CARMIL1: variants seen among roughly 807,000 people sequenced by gnomAD.
CARMIL1 encodes the protein capping protein regulator and myosin 1 linker 1.
CARMIL1 carries 90 observed loss-of-function variants against 177.1 expected under a neutral mutation model. The ratio of observed to expected loss-of-function variants is 0.51; its 90% CI spans 0.43 to 0.61. CARMIL1 has a LOEUF of 0.61. Ranked by LOEUF, CARMIL1 falls within the 20% of genes least tolerant of loss-of-function variation. The probability of loss-of-function intolerance (pLI) is 0.00; values close to 1 mark genes in which losing one functional copy is unlikely to be tolerated. For missense variants in CARMIL1, 1,380 were observed against 1,667.0 expected, an observed-to-expected ratio of 0.83 and a Z score of 3.00; for synonymous variants, 577 against 606.2, an observed-to-expected ratio of 0.95 and a Z score of 0.71.
At chr6:25,313,549 C>T (rs989448776) in intron 2 of CARMIL1, among the ~76,000 whole-genome samples, 1 of 147,736 alleles carries the variant, frequency 6.8e-6, no homozygotes, top group African/African-American at 2.6e-5. Context: ...TGGAGGGACT[C>T]TGGGCAGCAT....
chr6:25,286,596 T>C (rs757572577), intron 2 of CARMIL1, among the ~76,000 whole-genome samples: 1 of 152,234 alleles, frequency 6.6e-6, no homozygotes, highest in Non-Finnish European at 1.5e-5. Flanking sequence ...GAAGAAATAT[T>C]GTTTCTGTCA....
intron 26 of CARMIL1, among the ~76,000 whole-genome samples, chr6:25,541,158 A>G (rs1394805680): frequency 1.3e-5 from 2 of 152,202 alleles, no homozygotes; most frequent in Admixed American, 1.3e-4. Flanking sequence ...GTAGAAAATG[A>G]CTTACTCTTT....
Position 25,435,591 on chromosome 6 carries a change from G to A in CARMIL1, c.358G>A (p.Gly120Ser). 1 of 1,576,038 alleles carries A rather than the reference G, an allele frequency of 6.3e-7. No individual in the cohort carries two copies. Residue 120 changes from glycine (G) to serine (S), a missense_variant, in exon 5 of 37, where the codon GGC (glycine) becomes AGC (serine). Coordinates refer to ENST00000329474, the MANE Select transcript of CARMIL1 (RefSeq NM_017640.6). Reference sequence around the variant, plus strand: ...CACCTGCCTGAGGAAGATATTTCCTGGCCTCTCTCCAGTGTGAGTTTCCCT... The same window carrying A: ...CACCTGCCTGAGGAAGATATTTCCTAGCCTCTCTCCAGTGTGAGTTTCCCT... ...IGTCLRKIFP[G>S]LSPVRIMKKV...
intron 24 of CARMIL1, among the ~76,000 whole-genome samples, chr6:25,535,348 A>G (rs1432800899): frequency 6.6e-6 from 1 of 152,178 alleles, no homozygotes; most frequent in Admixed American, 6.5e-5. Flanking sequence ...TAAGGAAGAA[A>G]AATAAGTGTA....
chr6:25,420,531 CTTTAT>C (rs1795760477), intron 3 of CARMIL1: 1 of 188,608 alleles, frequency 5.3e-6, no homozygotes, highest in African/African-American at 2.4e-5. Context: ...TTGATTTCCA[CTTTAT>C]TCAAGTCTAC....
chr6:25,388,157 G>A (rs1792367290), intron 2 of CARMIL1: 1 of 152,130 alleles, frequency 6.6e-6, no homozygotes, highest in Non-Finnish European at 1.5e-5. Flanking sequence ...TGATGTAGAA[G>A]CGTTTCTTGA....
chr6:25,609,940 G>A, intron 35 of CARMIL1, 110 bp from the exon 36 acceptor site: 1 of 1,279,434 alleles, frequency 7.8e-7, no homozygotes. Context: ...AAAATTCTAT[G>A]ATGCTTTATT....
intron 23 of CARMIL1, among the ~76,000 whole-genome samples, chr6:25,520,860 C>G (rs950085049): frequency 1.3e-5 from 2 of 152,176 alleles, no homozygotes; most frequent in African/African-American, 4.8e-5. Flanking sequence ...ATTTGACCCC[C>G]TTATTCTGCC....
At chr6:25,591,021 C>T (rs1814249811) in intron 31 of CARMIL1, among the ~76,000 whole-genome samples, 1 of 152,078 alleles carries the variant, frequency 6.6e-6, no homozygotes, top group African/African-American at 2.4e-5. Context: ...TTTTTACATT[C>T]TAATATATGC....
At chr6:25,365,116 CATT>C (rs1789638139) in intron 2 of CARMIL1, among the ~76,000 whole-genome samples, 1 of 152,138 alleles carries the variant, frequency 6.6e-6, no homozygotes. Context: ...GCTTGGATCA[CATT>C]ATTATTTTGG....
chr6:25,481,651 A>G (rs908394107), intron 11 of CARMIL1, among the ~76,000 whole-genome samples: 4 of 152,084 alleles, frequency 2.6e-5, no homozygotes, highest in African/African-American at 7.2e-5. Context: ...GGTGTTCCCA[A>G]TCTCCCACTC....
chr6:25,482,405 T>A (rs982049164), intron 12 of CARMIL1, 62 bp downstream of exon 12: 4 of 706,494 alleles, frequency 5.7e-6, no homozygotes, highest in Non-Finnish European at 9.5e-6. Flanking sequence ...CCTGCTACCT[T>A]AGTTAGAATT....
chr6:25,605,973 A>G (rs1815925426), intron 34 of CARMIL1, 88 bp from the exon 35 acceptor site: 3 of 827,178 alleles, frequency 3.6e-6, no homozygotes. Context: ...ACGATGGCAA[A>G]TGATTACAGC....
At chr6:25,304,541 G>GTGAACCTCA (rs1279442738) in intron 2 of CARMIL1, among the ~76,000 whole-genome samples, 1 of 152,156 alleles carries the variant, frequency 6.6e-6, no homozygotes. Flanking sequence ...GCAGTTCACA[G>GTGAACCTCA]TAGGGTTCAC....
At chr6:25,552,339 A>G (rs144507741) in intron 27 of CARMIL1, among the ~76,000 whole-genome samples, 1 of 152,296 alleles carries the variant, frequency 6.6e-6, no homozygotes, top group East Asian at 1.9e-4. Flanking sequence ...TCATATTTTG[A>G]TAGCTTTGAG....
chr6:25,462,343 G>T (rs1435523863), intron 8 of CARMIL1, among the ~76,000 whole-genome samples: 3 of 151,968 alleles, frequency 2.0e-5, no homozygotes, highest in African/African-American at 7.3e-5. Context: ...TTCTCAACTT[G>T]GTTGTCTTGA....
intron 25 of CARMIL1, 35 bp downstream of exon 25, chr6:25,538,018 A>G: frequency 6.4e-7 from 1 of 1,553,822 alleles, no homozygotes; most frequent in Non-Finnish European, 8.7e-7. Flanking sequence ...AGAGTCTGGT[A>G]TAATAAAAAC....
rs115060348 is a variant in CARMIL1, at chr6:25,398,155, G to A, written c.139-21959G>A. ...AACTATTTAAAAATTAATGAACAAG[G>A]TAATTTTATATTTTTCTGGTATGGG... On this transcript the variant is annotated intron_variant, in intron 2 of 36. Coordinates refer to ENST00000329474, the MANE Select transcript of CARMIL1 (RefSeq NM_017640.6). Among the ~76,000 whole-genome samples the A allele has an allele frequency of 3.4e-3, 510 of 152,112 alleles. 2 individuals carry two copies. Among genetic ancestry groups the A allele is most frequent in the African/African-American group, 0.011 (440 of 41,496 alleles).
chr6:25,515,757 C>T lies in CARMIL1; in HGVS notation c.1715C>T (p.Ser572Phe). Reference protein sequence around the residue: ...IIINALGSNTSLTKVDISGNG... With the variant: ...IIINALGSNTFLTKVDISGNG... ...ATCAATGCCCTGGGAAGCAACACCT[C>T]CCTGACCAAAGTGGACATTAGCGGC... The change falls in exon 21 of 37, where the codon TCC becomes TTC. Residue 572 changes from serine (S) to phenylalanine (F), a missense_variant. Coordinates refer to ENST00000329474, the MANE Select transcript of CARMIL1 (RefSeq NM_017640.6). This position sits in a 1 kb window ranked among gnomAD's most constrained non-coding sequence, Gnocchi z 5.0. The T allele has an allele frequency of 6.2e-7, 1 of 1,611,808 alleles. No individual in the cohort carries two copies. The highest frequency in any genetic ancestry group is 8.5e-7 in the Non-Finnish European group (1 of 1,179,130).
Sources: gnomAD v4.1 joint callset for allele counts (sites outside exome capture counted in the v4.1 genomes callset) on GRCh38, gnomAD v4.1.1 for gene constraint, Gnocchi (gnomAD v3.1) non-coding constraint, MANE v1.5 for transcripts, NCBI Gene and HGNC (gene_info 2026-07-23, HGNC 2026-07-21) for gene names.